DAPK2: variants seen among roughly 807,000 people sequenced by gnomAD.
DAPK2 encodes death associated protein kinase 2.
A neutral mutation model predicts 44.1 loss-of-function variants in DAPK2; 35 were observed. The observed-to-expected ratio is 0.79, with a 90% confidence interval of 0.61 to 1.05. DAPK2 has a LOEUF of 1.05. Among genes scored for constraint, DAPK2 ranks in the 50% least tolerant of loss-of-function variants. DAPK2 has a pLI of 0.00. For missense variants in DAPK2, 453 were observed against 483.2 expected, an observed-to-expected ratio of 0.94 and a Z score of 0.59; for synonymous variants, 174 against 182.6, an observed-to-expected ratio of 0.95 and a Z score of 0.38.
At position 63,983,510 on chromosome 15, in the gene DAPK2, TGGGTCCTG is replaced by T. The variant is rs746304883; in HGVS notation, c.314+15_314+22del. The T allele has an allele frequency of 1.0e-5, 16 of 1,606,568 alleles. No individual in the cohort carries two copies. In the South Asian group the frequency reaches 1.8e-4, roughly 18 times the overall value. On this transcript the variant is annotated intron_variant, in intron 2 of 10. Coordinates refer to ENST00000261891, the Ensembl canonical transcript of DAPK2. ...CTGCCCCTGCTGCCCCCCAACCCTG[TGGGTCCTG>T]GGGACCCCACTCACAGCTCAAGGAT... is the stretch of plus-strand genomic sequence containing the variant.
At chr15:63,971,058 C>CG (rs2078198499) in intron 3 of DAPK2, among the ~76,000 whole-genome samples, 1 of 152,176 alleles carries the variant, frequency 6.6e-6, no homozygotes, top group African/African-American at 2.4e-5. Context: ...ATCCTCCAAA[C>CG]ATTTCTAGTT....
chr15:63,977,118 G>A (rs2078374084), intron 2 of DAPK2, among the ~76,000 whole-genome samples: 1 of 152,232 alleles, frequency 6.6e-6, no homozygotes, highest in Admixed American at 6.6e-5. Context: ...AGGGGAAGGG[G>A]GAAGGTGAAA....
At chr15:63,911,227 A>AAAC (rs1491269035) in intron 10 of DAPK2, 1 of 7,910 alleles carries the variant, frequency 1.3e-4, no homozygotes, top group Non-Finnish European at 9.4e-4. Context: ...CTAAACAAAC[A>AAAC]AAAAAAAAAA....
chr15:64,025,973 G>A (rs539739258), intron 1 of DAPK2, among the ~76,000 whole-genome samples: 18 of 152,296 alleles, frequency 1.2e-4, no homozygotes, highest in East Asian at 3.9e-4. Context: ...CACACAGGGC[G>A]CAGGCCAGAT....
chr15:64,040,056 A>T, intron 1 of DAPK2, 114 bp downstream of exon 2: 1 of 778,992 alleles, frequency 1.3e-6, no homozygotes. Context: ...GCTCATTTTT[A>T]AAGCTTCCCA....
intron 1 of DAPK2, among the ~76,000 whole-genome samples, chr15:64,028,692 A>G (rs2079923867): frequency 6.6e-6 from 1 of 152,176 alleles, no homozygotes; most frequent in Non-Finnish European, 1.5e-5. Context: ...AGGGGTGAAG[A>G]GGCATAATGT....
At chr15:64,004,724 A>G (rs945682886) in intron 1 of DAPK2, among the ~76,000 whole-genome samples, 2 of 152,130 alleles carry the variant, frequency 1.3e-5, no homozygotes, top group Non-Finnish European at 2.9e-5. Context: ...GGGCTTTCGC[A>G]CAGGCTCCAG....
intron 10 of DAPK2, chr15:63,910,766 T>G (rs1209180427): frequency 6.6e-6 from 1 of 152,222 alleles, no homozygotes; most frequent in Non-Finnish European, 1.5e-5. Context: ...TGTTGTTGCC[T>G]GGGCTGGTCT....
chr15:63,979,652 C>T (rs2078447987), intron 2 of DAPK2, among the ~76,000 whole-genome samples: 2 of 152,146 alleles, frequency 1.3e-5, no homozygotes, highest in Admixed American at 1.3e-4. Flanking sequence ...GTGGCTCATG[C>T]CTGTAATCCT....
At chr15:64,041,984 G>A (rs986594123), upstream of DAPK2, among the ~76,000 whole-genome samples, 3 of 152,168 alleles carry the variant, frequency 2.0e-5, no homozygotes, top group African/African-American at 7.2e-5. Context: ...GCCAGGGCTG[G>A]AGCAAGCATG....
chr15:63,971,876 G>A (rs1040854323), intron 2 of DAPK2, among the ~76,000 whole-genome samples: 4 of 152,242 alleles, frequency 2.6e-5, no homozygotes, highest in African/African-American at 9.6e-5. Flanking sequence ...TGCCTGAGAT[G>A]GCAGGGGACA....
intron 1 of DAPK2, among the ~76,000 whole-genome samples, chr15:64,034,049 C>A (rs922989985): frequency 6.6e-6 from 1 of 152,058 alleles, no homozygotes; most frequent in Non-Finnish European, 1.5e-5. Flanking sequence ...CGAATAACTT[C>A]TATAATAAAC....
intron 2 of DAPK2, among the ~76,000 whole-genome samples, chr15:63,974,647 C>T (rs2078296692): frequency 6.6e-6 from 1 of 152,138 alleles, no homozygotes; most frequent in African/African-American, 2.4e-5. Context: ...CAAATGTTTA[C>T]TATTCATATT....
At chr15:63,958,875 T>G (rs934358538) in intron 3 of DAPK2, among the ~76,000 whole-genome samples, 6 of 152,240 alleles carry the variant, frequency 3.9e-5, no homozygotes, top group Non-Finnish European at 7.3e-5. Flanking sequence ...AAGTAGTTTT[T>G]TCCAATTCTG....
intron 7 of DAPK2, 67 bp downstream of exon 8, chr15:63,925,874 G>C: frequency 6.3e-7 from 1 of 1,593,628 alleles, no homozygotes; most frequent in South Asian, 1.1e-5. Flanking sequence ...CATACTGACA[G>C]GTCTTTGACA....
intron 4 of DAPK2, among the ~76,000 whole-genome samples, chr15:63,933,509 C>T (rs1464385250): frequency 6.6e-6 from 1 of 152,108 alleles, no homozygotes; most frequent in Non-Finnish European, 1.5e-5. Flanking sequence ...TCCCAAAGTG[C>T]TGGGATTACA....
chr15:64,002,001 T>C (rs796183780), intron 1 of DAPK2, among the ~76,000 whole-genome samples: 8 of 150,856 alleles, frequency 5.3e-5, no homozygotes, highest in Admixed American at 1.3e-4. Flanking sequence ...AGTGACTCCT[T>C]CTGTGAATAA....
intron 3 of DAPK2, among the ~76,000 whole-genome samples, chr15:63,962,569 A>C (rs1011170152): frequency 5.3e-5 from 8 of 152,236 alleles, no homozygotes; most frequent in Non-Finnish European, 1.2e-4. Context: ...TCCTTCTAAC[A>C]ATCAGGACCT....
chr15:63,983,517 T>C lies in DAPK2; in HGVS notation c.314+16A>G. ...TGCTGCCCCCCAACCCTGTGGGTCC[T>C]GGGGACCCCACTCACAGCTCAAGGA... On this transcript the variant is annotated intron_variant, in intron 2 of 10. Transcript: ENST00000261891. 6.2e-7 allele frequency: 1 copy of C among 1,611,218 alleles called. No homozygotes were observed. Among genetic ancestry groups the C allele is most frequent in the South Asian group, 1.1e-5 (1 of 91,010 alleles).
Sources: allele counts gnomAD v4.1 joint callset (sites outside exome capture counted in the v4.1 genomes callset), GRCh38; gene constraint gnomAD v4.1.1; transcripts MANE v1.5; gene names NCBI Gene and HGNC (gene_info 2026-07-23, HGNC 2026-07-21).